Variants in FKBP15 observed in about 807,000 individuals in gnomAD.
FKBP15 encodes FK506-binding protein 15.
FKBP15 carries 106 observed loss-of-function variants against 158.1 expected under a neutral mutation model. The observed-to-expected ratio is 0.67, with a 90% CI of 0.57 to 0.79. FKBP15 has a LOEUF of 0.79. Ranked by LOEUF, FKBP15 falls within the 30% of genes least tolerant of loss-of-function variation. The probability of loss-of-function intolerance (pLI) is 0.00; values close to 1 mark genes in which losing one functional copy is unlikely to be tolerated. For synonymous variants in FKBP15, 547 were observed against 548.6 expected, an observed-to-expected ratio of 1.00 and a Z score of 0.04; for missense variants, 1,287 against 1,479.1, an observed-to-expected ratio of 0.87 and a Z score of 2.13.
intron 12 of FKBP15, 131 bp downstream of exon 12, chr9:113,190,340 G>T: frequency 1.4e-6 from 1 of 739,262 alleles, no homozygotes. Context: ...ATACCAATCT[G>T]TATCATTTTG....
chr9:113,170,398 C>G, intron 25 of FKBP15, 124 bp downstream of exon 25: 1 of 727,810 alleles, frequency 1.4e-6, no homozygotes, highest in South Asian at 1.7e-5. Context: ...TCCCAAAATG[C>G]TGGGATTACA....
chr9:113,171,989 C>T (rs574095539), intron 23 of FKBP15, among the ~76,000 whole-genome samples: 73 of 151,646 alleles, frequency 4.8e-4, no homozygotes, highest in South Asian at 4.6e-3. Context: ...CTAATGCTAT[C>T]CCTCCCCCCG....
At chr9:113,178,528 A>C (rs1394291490) in intron 20 of FKBP15, 102 bp downstream of exon 20, 1 of 1,281,378 alleles carries the variant, frequency 7.8e-7, no homozygotes, top group Non-Finnish European at 1.1e-6. Context: ...AGTCCTTCAA[A>C]AACTTCATGA....
In FKBP15 at chr9:113,169,521, G is replaced by A; in HGVS notation, c.3188C>T (p.Ala1063Val). 1 of 1,614,042 alleles carries A rather than the reference G, an allele frequency of 6.2e-7. No homozygotes were observed. Among genetic ancestry groups the A allele is most frequent in the East Asian group, 2.2e-5 (1 of 44,874 alleles). The change falls in exon 26 of 28, where the codon GCT (alanine) becomes GTT (valine). Residue 1063 changes from alanine (A) to valine (V), a missense_variant. Ala to Val is a moderately conservative substitution (Grantham distance 64). Transcript: ENST00000238256. ...GGGCTTAGCTGCCATTGGGCTGGCA[G>A]CAAGTGACTCCTCACACTCAGAGTC... ...SMDSECEESL[A>V]ASPMAAKPDN...
Position 113,178,794 on chromosome 9 carries a change from A to G in FKBP15, c.1922T>C (p.Val641Ala). The G allele has an allele frequency of 6.2e-7, 1 of 1,604,662 alleles. No homozygotes were observed. Among genetic ancestry groups the G allele is most frequent in the Non-Finnish European group, 8.5e-7 (1 of 1,175,556 alleles). ...AGTGGCCGCTGCTAACTCCTCTGTCACCTTGGCCTGAATAATAACAAAGTA... is the reference window on the plus strand; with the variant it reads ...AGTGGCCGCTGCTAACTCCTCTGTCGCCTTGGCCTGAATAATAACAAAGTA... ...VLHAEQEKAKVTEELAAATAQ... is the reference protein window; with the variant it reads ...VLHAEQEKAKATEELAAATAQ... Residue 641 changes from valine (V) to alanine (A), a missense_variant, in exon 20 of 28, where the codon GTG (valine) becomes GCG (alanine). By Grantham distance (64) the Val-to-Ala change is moderately conservative (BLOSUM62 0). Coordinates refer to ENST00000238256, the MANE Select transcript of FKBP15 (RefSeq NM_015258.2).
intron 3 of FKBP15, 72 bp from the exon 4 acceptor site, chr9:113,206,650 ATACAG>A: frequency 9.1e-7 from 1 of 1,100,528 alleles, no homozygotes. Flanking sequence ...CTTTTCTGTC[ATACAG>A]AAGTGGGAAC....
chr9:113,207,456 C>T (rs757349914), intron 2 of FKBP15, among the ~76,000 whole-genome samples, 160 bp from the exon 3 acceptor site: 1 of 151,768 alleles, frequency 6.6e-6, no homozygotes, highest in Non-Finnish European at 1.5e-5. Flanking sequence ...TCTCCTGCCT[C>T]AGCCTCATGA....
At chr9:113,174,350 A>G in intron 22 of FKBP15, 78 bp downstream of exon 22, 1 of 1,486,140 alleles carries the variant, frequency 6.7e-7, no homozygotes, top group Non-Finnish European at 9.1e-7. Flanking sequence ...CTAAAGGGTA[A>G]GGAAGAAACC....
chr9:113,178,548 C>A, intron 20 of FKBP15, 82 bp downstream of exon 20: 1 of 1,432,802 alleles, frequency 7.0e-7, no homozygotes, highest in Non-Finnish European at 9.3e-7. Context: ...AGCATCATGC[C>A]AAAAAAATTG....
At chr9:113,186,188 G>T in intron 15 of FKBP15, 61 bp downstream of exon 15, 1 of 1,190,226 alleles carries the variant, frequency 8.4e-7, no homozygotes, top group Non-Finnish European at 1.2e-6. Context: ...TGAAGGAGGA[G>T]CAAGAAGAGG....
In FKBP15 at chr9:113,171,719, C is replaced by T. The variant is rs1341947318; in HGVS notation, c.2533-13G>A. 1.3e-6 allele frequency: 2 copies of T among 1,530,238 alleles called. No individual in the cohort carries two copies. Among genetic ancestry groups the T allele is most frequent in the East Asian group, 4.8e-5 (2 of 41,690 alleles). The allele number at this position is 1,530,238 out of a possible 1,614,324, so 94.8% of individuals were successfully genotyped here. A position where few individuals can be genotyped will look rare whatever the true frequency, so the allele number is the denominator to read the frequency against. On this transcript the variant is annotated splice_polypyrimidine_tract_variant and intron_variant, in intron 23 of 27. Coordinates refer to ENST00000238256, the MANE Select transcript of FKBP15 (RefSeq NM_015258.2). ...GGAGGGCTAAACACTGCAAAACAAA[C>T]AGACTGTGGCTGTGGCCTCAGGAAC...
At position 113,211,490 on chromosome 9, in the gene FKBP15, T is replaced by A; in HGVS notation, c.156A>T (p.Gly52=). 6.2e-7 allele frequency: 1 copy of A among 1,607,718 alleles called. No individual in the cohort carries two copies. The highest frequency in any genetic ancestry group is 1.7e-5 in the Admixed American group (1 of 59,312). ...CTCTTAACTTACCTGTTGCTGCCGT[T>A]CCCTGGCCTTTCTTAGGCTGTTTTG... is the stretch of plus-strand genomic sequence containing the variant. The part of the protein sequence containing the change: ...TAPKQPKKGQ[G]TAATGNQATP... Residue 52 remains glycine, a synonymous_variant, in exon 2 of 28, where the codon GGA becomes GGT. Transcript: ENST00000238256.
chr9:113,213,776 C>G (rs78972241), intron 1 of FKBP15, among the ~76,000 whole-genome samples: 42 of 152,250 alleles, frequency 2.8e-4, no homozygotes, highest in African/African-American at 9.6e-4. Flanking sequence ...TTGAACTTCT[C>G]AGCCTCCATA....
chr9:113,206,503 T>C lies in FKBP15; in HGVS notation c.324+6A>G. The C allele has an allele frequency of 6.2e-7, 1 of 1,613,396 alleles. No homozygotes were observed. Among genetic ancestry groups the C allele is most frequent in the East Asian group, 2.2e-5 (1 of 44,882 alleles). On this transcript the variant is annotated splice_donor_region_variant and intron_variant, in intron 4 of 27. Coordinates refer to ENST00000238256, the MANE Select transcript of FKBP15 (RefSeq NM_015258.2). ...GAATATACATGAGATGTGGGAGCAC[T>C]CTCACCTCTCTGGCTGTGTGGTTCC...
Position 113,176,594 on chromosome 9 carries a change from C to A in FKBP15, c.2166G>T (p.Val722=). The A allele has an allele frequency of 3.8e-6, 6 of 1,582,772 alleles. No homozygotes were observed. Among genetic ancestry groups the A allele is most frequent in the Non-Finnish European group, 5.2e-6 (6 of 1,161,778 alleles). ...KQNRKQLELK[V]TSLEEELTDL... ...CAGTCAGTTCCTCCTCCAGGGATGT[C>A]ACCTTGAGTTCCAGTTGTTTCCGGT... The change falls in exon 21 of 28, where the codon GTG becomes GTT. Residue 722 remains valine (V), a synonymous_variant. Coordinates refer to ENST00000238256, the MANE Select transcript of FKBP15 (RefSeq NM_015258.2).
intron 1 of FKBP15, among the ~76,000 whole-genome samples, chr9:113,214,094 T>C (rs1831071929): frequency 6.6e-6 from 1 of 151,918 alleles, no homozygotes; most frequent in Admixed American, 6.6e-5. Context: ...CACCACACTC[T>C]AGGGATTCTC....
At chr9:113,204,849 T>A (rs1830857926) in intron 4 of FKBP15, among the ~76,000 whole-genome samples, 2 of 152,248 alleles carry the variant, frequency 1.3e-5, no homozygotes, top group Admixed American at 6.5e-5. Context: ...AAATTCTCCA[T>A]CTTTTCATCC....
At chr9:113,196,626 G>A (rs151164924) in intron 9 of FKBP15, among the ~76,000 whole-genome samples, 2,658 of 152,116 alleles carry the variant, frequency 0.017, 93 homozygotes, top group African/African-American at 0.061. Context: ...CTCGTGATCT[G>A]CCCACCTCGG....
chr9:113,166,790 A>G (rs751312686), intron 27 of FKBP15, among the ~76,000 whole-genome samples: 4 of 152,182 alleles, frequency 2.6e-5, no homozygotes, highest in African/African-American at 4.8e-5. Flanking sequence ...AAAGGGACTG[A>G]TGGGCCATGA....
Sources: gnomAD v4.1 joint callset for allele counts (sites outside exome capture counted in the v4.1 genomes callset) on GRCh38, gnomAD v4.1.1 for gene constraint, MANE v1.5 for transcripts, NCBI Gene and HGNC (gene_info 2026-07-23, HGNC 2026-07-21) for gene names.